Variants in ADGRL3 observed in about 807,000 individuals in gnomAD.
The protein encoded by ADGRL3 is calcium-independent alpha-latrotoxin receptor 3.
Under a neutral mutation model 153.5 loss-of-function variants are expected in ADGRL3, and 62 were observed. That is an observed-to-expected ratio of 0.40 (90% CI 0.33 to 0.50). ADGRL3 has a LOEUF of 0.50. ADGRL3 is among the 20% of genes least tolerant of loss of function. ADGRL3 has a pLI of 0.47. For missense variants in ADGRL3, 1,641 were observed against 1,859.4 expected (o/e 0.88, Z 2.16); for synonymous variants, 710 against 672.5 (o/e 1.06, Z -0.86).
intron 3 of ADGRL3, among the ~76,000 whole-genome samples, chr4:61,506,778 A>T (rs1299190834): frequency 6.6e-6 from 1 of 152,172 alleles, no homozygotes; most frequent in East Asian, 1.9e-4. Flanking sequence ...TGTAAAGATA[A>T]AAATAACGTG....
At chr4:61,759,810 C>A (rs1372784028) in intron 8 of ADGRL3, among the ~76,000 whole-genome samples, 1 of 152,102 alleles carries the variant, frequency 6.6e-6, no homozygotes, top group East Asian at 1.9e-4. Context: ...TTTTATCTAC[C>A]TTTGGTCTTT....
At chr4:61,208,357 A>G (rs1738302816) in intron 1 of ADGRL3, among the ~76,000 whole-genome samples, 1 of 152,192 alleles carries the variant, frequency 6.6e-6, no homozygotes, top group Admixed American at 6.5e-5. Context: ...ACAGAAGATT[A>G]TGAAGATTTA....
intron 1 of ADGRL3, among the ~76,000 whole-genome samples, chr4:61,257,572 G>T (rs1389929762): frequency 6.6e-6 from 1 of 152,046 alleles, no homozygotes; most frequent in African/African-American, 2.4e-5. Context: ...TACTAAATAG[G>T]TAGCTCAGGA....
intron 2 of ADGRL3, among the ~76,000 whole-genome samples, chr4:61,474,275 G>A (rs1446229518): frequency 2.0e-5 from 3 of 152,078 alleles, no homozygotes; most frequent in African/African-American, 7.2e-5. Flanking sequence ...TTCTAAATAG[G>A]GAAAATAACA....
chr4:61,891,695 G>C (rs527798541), intron 9 of ADGRL3, among the ~76,000 whole-genome samples: 1 of 152,214 alleles, frequency 6.6e-6, no homozygotes, highest in South Asian at 2.1e-4. Context: ...GAGTGATCTT[G>C]AATCAGACTA....
chr4:61,710,283 C>T (rs986056541), intron 6 of ADGRL3, among the ~76,000 whole-genome samples: 6 of 152,090 alleles, frequency 3.9e-5, no homozygotes, highest in Admixed American at 3.3e-4. Context: ...GGGACATTTA[C>T]ATAAAGAAAA....
intron 20 of ADGRL3, among the ~76,000 whole-genome samples, chr4:61,997,886 CTT>C (rs1258466077): frequency 1.3e-5 from 2 of 152,122 alleles, no homozygotes; most frequent in Non-Finnish European, 2.9e-5. Flanking sequence ...ATGCACTAGA[CTT>C]TGAATTGTTT....
At chr4:61,795,779 C>T (rs2097402912) in intron 8 of ADGRL3, among the ~76,000 whole-genome samples, 1 of 152,142 alleles carries the variant, frequency 6.6e-6, no homozygotes, top group South Asian at 2.1e-4. Flanking sequence ...GCAGATTATG[C>T]ATCAACCATG....
intron 4 of ADGRL3, among the ~76,000 whole-genome samples, chr4:61,560,150 A>T (rs967512932): frequency 4.6e-5 from 7 of 152,058 alleles, no homozygotes; most frequent in African/African-American, 1.7e-4. Context: ...CTATTATGGC[A>T]CTTAGCCTAT....
chr4:61,899,347 G>C (rs1486150885), intron 11 of ADGRL3, among the ~76,000 whole-genome samples: 1 of 151,500 alleles, frequency 6.6e-6, no homozygotes, highest in Non-Finnish European at 1.5e-5. Context: ...TTCTGCAACT[G>C]ATTTTTTTCC....
chr4:62,063,464 C>CTTTT, intron 25 of ADGRL3: 3 of 521,726 alleles, frequency 5.8e-6, no homozygotes, highest in South Asian at 4.5e-5. Context: ...CCTGATTGAC[C>CTTTT]TTTTTTTTTT....
chr4:61,979,573 C>A lies in ADGRL3; in HGVS notation c.2816C>A (p.Ala939Glu), dbSNP rs777017067. The change falls in exon 18 of 27, where the codon GCG becomes GAG. Residue 939 changes from alanine (A) to glutamate (E), a missense_variant. Physicochemically the swap from Ala to Glu is moderately radical, Grantham distance 107. Around this residue, in one of 5 missense-constraint regions of ADGRL3, gnomAD observed 734 missense variants for 797.0 expected, o/e 0.92. Transcript: ENST00000683033. Reference sequence around the variant, plus strand: ...TCATTGTGTTTCCAGCACAGTGATGCGGTCCATGACCTCCTTCTGGATGTG... The same window carrying A: ...TCATTGTGTTTCCAGCACAGTGATGAGGTCCATGACCTCCTTCTGGATGTG... ...MAHVEVKHSDAVHDLLLDVIT... is the reference protein window; with the variant it reads ...MAHVEVKHSDEVHDLLLDVIT... 1.2e-6 allele frequency: 2 copies of A among 1,613,594 alleles called. No homozygotes were observed. The highest frequency in any genetic ancestry group is 2.2e-5 in the South Asian group (2 of 91,074).
At chr4:61,809,277 C>A (rs2097582523) in intron 8 of ADGRL3, among the ~76,000 whole-genome samples, 1 of 152,016 alleles carries the variant, frequency 6.6e-6, no homozygotes, top group African/African-American at 2.4e-5. Context: ...TGTTTATTTT[C>A]CCAATTGCAT....
At chr4:61,579,522 CT>C (rs2098914317) in intron 4 of ADGRL3, 4 of 474,866 alleles carry the variant, frequency 8.4e-6, no homozygotes, top group Non-Finnish European at 1.6e-5. Flanking sequence ...ACACTTGCTG[CT>C]TTTTTAGGCA....
At chr4:61,540,564 A>G (rs1480215393) in intron 4 of ADGRL3, among the ~76,000 whole-genome samples, 2 of 152,072 alleles carry the variant, frequency 1.3e-5, no homozygotes, top group African/African-American at 4.8e-5. Context: ...AAAAGAAAAG[A>G]AAAGAAAAAA....
At chr4:61,469,772 G>A (rs975635395) in intron 2 of ADGRL3, among the ~76,000 whole-genome samples, 1 of 151,956 alleles carries the variant, frequency 6.6e-6, no homozygotes, top group Admixed American at 6.6e-5. Context: ...AAGGGAACAA[G>A]TAGTATAGAA....
At chr4:61,246,110 C>T (rs1756975693) in intron 1 of ADGRL3, among the ~76,000 whole-genome samples, 1 of 152,008 alleles carries the variant, frequency 6.6e-6, no homozygotes, top group Non-Finnish European at 1.5e-5. Context: ...ATAAAATCTA[C>T]AACTCTTTTC....
chr4:61,256,627 C>T (rs1248982117), intron 1 of ADGRL3, among the ~76,000 whole-genome samples: 1 of 152,104 alleles, frequency 6.6e-6, no homozygotes, highest in African/African-American at 2.4e-5. Context: ...TGAATGAATA[C>T]CAAATCAAAC....
chr4:61,318,576 C>G (rs2095285730), intron 1 of ADGRL3, among the ~76,000 whole-genome samples: 1 of 152,146 alleles, frequency 6.6e-6, no homozygotes, highest in South Asian at 2.1e-4. Context: ...ATTAACTGAA[C>G]ACGCTGTCTG....
Sources: allele counts gnomAD v4.1 joint callset (sites outside exome capture counted in the v4.1 genomes callset), GRCh38; gene constraint gnomAD v4.1.1; regional missense constraint gnomAD v4.1.1; transcripts MANE v1.5; gene names NCBI Gene and HGNC (gene_info 2026-07-23, HGNC 2026-07-21).